The following RNASEH2A variants were observed in gnomAD, a reference collection of about 807,000 sequenced individuals.
RNASEH2A encodes RNase H(35).
RNASEH2A carries 30 observed loss-of-function variants against 32.7 expected under a neutral mutation model. The observed-to-expected ratio is 0.92, with a 90% CI of 0.69 to 1.25. The LOEUF (loss-of-function observed/expected upper bound fraction) is 1.25, where lower values mean the gene tolerates loss of function less well. RNASEH2A is among the 50% of genes most tolerant of loss of function. The probability of loss-of-function intolerance (pLI) is 0.00; values close to 1 mark genes in which losing one functional copy is unlikely to be tolerated. For missense variants in RNASEH2A, 409 were observed against 398.1 expected, an observed-to-expected ratio of 1.03 and a Z score of -0.23; for synonymous variants, 147 against 165.4, an observed-to-expected ratio of 0.89 and a Z score of 0.86.
rs761202492 is a variant in RNASEH2A at position 12,807,458 on chromosome 19, C to T, written c.363C>T (p.Ala121=). Reference sequence around the variant, plus strand: ...TGAACTCCCTGTCACATGATACAGCCACTGGGCTTATACAGTATGCATTGG... The same window carrying T: ...TGAACTCCCTGTCACATGATACAGCTACTGGGCTTATACAGTATGCATTGG... ...YNLNSLSHDT[A]TGLIQYALDQ... The change falls in exon 4 of 8, where the codon GCC becomes GCT. Residue 121 remains alanine (A), a synonymous_variant. Coordinates refer to ENST00000221486, the MANE Select transcript of RNASEH2A (RefSeq NM_006397.3). 1.9e-6 allele frequency: 3 copies of T among 1,614,102 alleles called. No individual in the cohort carries two copies. The highest frequency in any genetic ancestry group is 2.2e-5 in the South Asian group (2 of 91,090).
chr19:12,807,538 C>A (rs1253678296), intron 4 of RNASEH2A, 32 bp downstream of exon 4: 1 of 1,567,132 alleles, frequency 6.4e-7, no homozygotes, highest in Non-Finnish European at 8.8e-7. Context: ...CCCATTTGGT[C>A]ATCTCAGGAT....
At chr19:12,809,326 T>C (rs1969039872) in intron 4 of RNASEH2A, among the ~76,000 whole-genome samples, 1 of 152,236 alleles carries the variant, frequency 6.6e-6, no homozygotes. Context: ...CAGCAGCTCT[T>C]GGACCCTCTC....
chr19:12,810,560 C>T (rs1016640014), intron 6 of RNASEH2A, among the ~76,000 whole-genome samples, 156 bp downstream of exon 6: 2 of 151,976 alleles, frequency 1.3e-5, no homozygotes, highest in East Asian at 1.9e-4. Flanking sequence ...GACGGAGTTT[C>T]GCTCTTTTTG....
Position 12,810,147 on chromosome 19 carries a change from C to T in RNASEH2A, c.488C>T (p.Thr163Met), listed in dbSNP as rs1046057251. The change falls in exon 5 of 8, where the codon ACG (threonine) becomes ATG (methionine). Residue 163 changes from threonine to methionine, a missense_variant. Thr to Met is a moderately conservative substitution (Grantham distance 81). Transcript: ENST00000221486. ...LQQSFPGIEV[T>M]VKAKADALYP... is the part of the protein sequence containing the mutation. The stretch of plus-strand genomic sequence containing the variant: ...CAAAGTTTTCCCGGGATTGAGGTGA[C>T]GGTCAAGGCCAAAGCAGATGCCCTC... 15 of 1,614,100 alleles carry T rather than the reference C, an allele frequency of 9.3e-6. No individual in the cohort carries two copies. The highest frequency in any genetic ancestry group is 4.5e-5 in the East Asian group (2 of 44,898).
intron 6 of RNASEH2A, among the ~76,000 whole-genome samples, chr19:12,812,649 C>G (rs942873405): frequency 3.3e-5 from 5 of 152,182 alleles, no homozygotes; most frequent in Non-Finnish European, 7.3e-5. Flanking sequence ...GGTAAAGGTC[C>G]TGTGGCAAGA....
At chr19:12,811,283 A>G (rs1172597540) in intron 6 of RNASEH2A, among the ~76,000 whole-genome samples, 1 of 152,104 alleles carries the variant, frequency 6.6e-6, no homozygotes, top group Non-Finnish European at 1.5e-5. Context: ...CCAGTGATGG[A>G]CTGAGACCCA....
intron 4 of RNASEH2A, among the ~76,000 whole-genome samples, chr19:12,809,140 C>G (rs961600465): frequency 1.3e-5 from 2 of 151,932 alleles, no homozygotes; most frequent in African/African-American, 4.8e-5. Flanking sequence ...TTTGGGAGGC[C>G]GAGGCGGGCG....
chr19:12,809,894 C>T (rs1188122736), intron 4 of RNASEH2A, among the ~76,000 whole-genome samples, 177 bp from the exon 5 acceptor site: 1 of 152,016 alleles, frequency 6.6e-6, no homozygotes, highest in Non-Finnish European at 1.5e-5. Flanking sequence ...GATCACAGGC[C>T]TGAACAACTT....
chr19:12,811,557 G>A (rs577079241), intron 6 of RNASEH2A, among the ~76,000 whole-genome samples: 2 of 151,834 alleles, frequency 1.3e-5, no homozygotes, highest in Non-Finnish European at 2.9e-5. Context: ...GTTGGAGGCT[G>A]CAGTGAGCTA....
chr19:12,811,557 G>T (rs577079241), intron 6 of RNASEH2A, among the ~76,000 whole-genome samples: 1 of 151,716 alleles, frequency 6.6e-6, no homozygotes, highest in Admixed American at 6.6e-5. Flanking sequence ...GTTGGAGGCT[G>T]CAGTGAGCTA....
chr19:12,813,066 T>A lies in RNASEH2A; in HGVS notation c.638-17T>A, dbSNP rs763533382. 3.7e-6 allele frequency: 6 copies of A among 1,613,898 alleles called. No homozygotes were observed. The highest frequency in any genetic ancestry group is 5.1e-6 in the Non-Finnish European group (6 of 1,179,990). ...ATGGTGCAACTTGGACTGTCACCAT[T>A]GCCCACCCTACCCCAGATCCCAAGA... On this transcript the variant is annotated splice_polypyrimidine_tract_variant and intron_variant, in intron 6 of 7. Transcript: ENST00000221486.
rs1969050724 is a variant in RNASEH2A at position 12,810,078 on chromosome 19, T to C, written c.419T>C (p.Val140Ala). 6.2e-7 allele frequency: 1 copy of C among 1,614,028 alleles called. No individual in the cohort carries two copies. The highest frequency in any genetic ancestry group is 1.1e-5 in the South Asian group (1 of 91,088). Residue 140 changes from valine (V) to alanine (A), a missense_variant, in exon 5 of 8, where the codon GTG (valine) becomes GCG (alanine). By Grantham distance (64) the Val-to-Ala change is moderately conservative. Coordinates refer to ENST00000221486, the MANE Select transcript of RNASEH2A (RefSeq NM_006397.3). The stretch of plus-strand genomic sequence containing the variant: ...TGTCTGTTGCTGTGGCAGGTATTCG[T>C]GGACACCGTAGGGATGCCAGAGACA... ...DQGVNVTQVFVDTVGMPETYQ... is the reference protein window; with the variant it reads ...DQGVNVTQVFADTVGMPETYQ...
chr19:12,808,272 A>G (rs1300675505), intron 4 of RNASEH2A, among the ~76,000 whole-genome samples: 2 of 152,110 alleles, frequency 1.3e-5, no homozygotes, highest in African/African-American at 4.8e-5. Context: ...TAAAAAATAA[A>G]TGTGGGCAAA....
intron 6 of RNASEH2A, among the ~76,000 whole-genome samples, chr19:12,812,745 G>T (rs1969091722): frequency 6.6e-6 from 1 of 151,370 alleles, no homozygotes; most frequent in East Asian, 2.0e-4. Flanking sequence ...GGTGGCTCAT[G>T]CCTGTAATCC....
chr19:12,812,879 C>T (rs987534654), intron 6 of RNASEH2A, among the ~76,000 whole-genome samples: 1 of 150,646 alleles, frequency 6.6e-6, no homozygotes, highest in African/African-American at 2.4e-5. Context: ...GTGGCATGCG[C>T]CTGTAGTCCC....
rs770130343 is a variant in RNASEH2A, at chr19:12,807,401, C to T, written c.324-18C>T. 2 of 1,614,058 alleles carry T rather than the reference C, an allele frequency of 1.2e-6. No homozygotes were observed. The highest frequency in any genetic ancestry group is 1.7e-5 in the Admixed American group (1 of 60,010). ...TGTTCCTAGAATGAGATTAACTGGG[C>T]TCTGTTCCCCACCACAGGGTCAAAT... On this transcript the variant is annotated intron_variant, in intron 3 of 7. Coordinates refer to ENST00000221486, the MANE Select transcript of RNASEH2A (RefSeq NM_006397.3).
At chr19:12,810,863 A>C (rs1482632870) in intron 6 of RNASEH2A, among the ~76,000 whole-genome samples, 1 of 151,588 alleles carries the variant, frequency 6.6e-6, no homozygotes, top group African/African-American at 2.4e-5. Context: ...GGGTCTTGTC[A>C]TGTTGCCCAG....
In RNASEH2A at chr19:12,813,344, G is replaced by A. The variant is rs749242017; in HGVS notation, c.778G>A (p.Glu260Lys). 9.9e-6 allele frequency: 16 copies of A among 1,614,108 alleles called. No homozygotes were observed. Among genetic ancestry groups the A allele is most frequent in the East Asian group, 2.2e-5 (1 of 44,876 alleles). ...CTCCCACAGGGAGGACTCAGCATCC[G>A]AGAATCAGGAGGGACTCAGGAAGAT... ...EDVIWEDSAS[E>K]NQEGLRKITS... The change falls in exon 8 of 8, where the codon GAG becomes AAG. Residue 260 changes from glutamate (E) to lysine (K), a missense_variant. By Grantham distance (56) the Glu-to-Lys change is moderately conservative. Transcript: ENST00000221486.
chr19:12,812,533 A>G (rs1433203230), intron 6 of RNASEH2A, among the ~76,000 whole-genome samples: 8 of 152,098 alleles, frequency 5.3e-5, no homozygotes, highest in Non-Finnish European at 1.5e-5. Context: ...CTCCATTTCA[A>G]AAAATAAGTA....
Sources: gnomAD v4.1 joint callset for allele counts (sites outside exome capture counted in the v4.1 genomes callset) on GRCh38, gnomAD v4.1.1 for gene constraint, MANE v1.5 for transcripts, NCBI Gene and HGNC (gene_info 2026-07-23, HGNC 2026-07-21) for gene names.